The following B3GALT1 variants were observed in gnomAD, a reference collection of about 807,000 sequenced individuals.
B3GALT1 encodes the protein UDP-Gal:betaGlcNAc beta 1,3-galactosyltransferase, polypeptide 1.
Under a neutral mutation model 23.2 loss-of-function variants are expected in B3GALT1, and 10 were observed. That is an observed-to-expected ratio of 0.43 (90% CI 0.27 to 0.73). B3GALT1 has a LOEUF of 0.73. B3GALT1 is among the 30% of genes least tolerant of loss of function. The pLI is 0.21. For synonymous variants in B3GALT1, 156 were observed against 141.5 expected (o/e 1.10, Z -0.73); for missense variants, 299 against 405.4 (o/e 0.74, Z 2.25).
intron 1 of B3GALT1, among the ~76,000 whole-genome samples, chr2:167,445,292 G>A (rs1698962244): frequency 6.6e-6 from 1 of 152,210 alleles, no homozygotes; most frequent in Non-Finnish European, 1.5e-5. Context: ...CACCTACGTG[G>A]TCAATTTTGG....
chr2:167,508,417 C>T (rs1460566024), intron 2 of B3GALT1, among the ~76,000 whole-genome samples: 2 of 151,770 alleles, frequency 1.3e-5, no homozygotes, highest in African/African-American at 4.8e-5. Flanking sequence ...CGCCACCACT[C>T]CCGGCTAATT....
At chr2:167,370,754 G>T (rs796898767) in intron 1 of B3GALT1, among the ~76,000 whole-genome samples, 1 of 152,030 alleles carries the variant, frequency 6.6e-6, no homozygotes, top group Admixed American at 6.6e-5. Flanking sequence ...GTGAAATCTC[G>T]TCTCTACTAA....
At chr2:167,430,432 G>A (rs909979121) in intron 1 of B3GALT1, among the ~76,000 whole-genome samples, 6 of 152,132 alleles carry the variant, frequency 3.9e-5, no homozygotes, top group African/African-American at 7.2e-5. Flanking sequence ...AATGACATAC[G>A]TTAATTTTTC....
At chr2:167,405,019 C>T (rs1314610836) in intron 1 of B3GALT1, among the ~76,000 whole-genome samples, 1 of 152,154 alleles carries the variant, frequency 6.6e-6, no homozygotes, top group Non-Finnish European at 1.5e-5. Flanking sequence ...TTTATCCCCA[C>T]CATTACTGCT....
intron 3 of B3GALT1, among the ~76,000 whole-genome samples, chr2:167,798,513 T>C (rs1428601927): frequency 2.6e-5 from 4 of 152,226 alleles, no homozygotes; most frequent in Non-Finnish European, 4.4e-5. Flanking sequence ...GGCTAGCCAG[T>C]TCTCCCTGCA....
intron 3 of B3GALT1, among the ~76,000 whole-genome samples, chr2:167,735,472 C>T (rs1331880279): frequency 6.6e-6 from 1 of 152,184 alleles, no homozygotes; most frequent in Non-Finnish European, 1.5e-5. Flanking sequence ...TCTATTTCTC[C>T]CTGTGCTTTG....
intron 4 of B3GALT1, among the ~76,000 whole-genome samples, chr2:167,841,039 G>A (rs984269611): frequency 1.9e-5 from 2 of 103,640 alleles, no homozygotes; most frequent in East Asian, 3.6e-4. Context: ...GTGGGGGGAG[G>A]GGGGAGGGAT....
chr2:167,369,925 A>T (rs1384087294), intron 1 of B3GALT1, among the ~76,000 whole-genome samples: 1 of 151,238 alleles, frequency 6.6e-6, no homozygotes, highest in Non-Finnish European at 1.5e-5. Flanking sequence ...GGTGCTATTT[A>T]AAAAAAAATG....
chr2:167,359,813 A>G (rs1321616947), intron 1 of B3GALT1, among the ~76,000 whole-genome samples: 1 of 151,984 alleles, frequency 6.6e-6, no homozygotes, highest in Non-Finnish European at 1.5e-5. Context: ...CAAGAAAACT[A>G]ATTTCCAGTG....
chr2:167,671,850 G>A (rs543248755), intron 3 of B3GALT1, among the ~76,000 whole-genome samples: 6 of 151,980 alleles, frequency 3.9e-5, no homozygotes, highest in Non-Finnish European at 7.4e-5. Context: ...CTAAAAGTTG[G>A]TTTTTTGAAA....
intron 1 of B3GALT1, among the ~76,000 whole-genome samples, chr2:167,338,160 A>G (rs1360037929): frequency 2.0e-5 from 3 of 152,314 alleles, no homozygotes; most frequent in South Asian, 2.1e-4. Context: ...GTCACACACA[A>G]CAGCCAATAT....
chr2:167,360,887 A>G (rs1358188580), intron 1 of B3GALT1, among the ~76,000 whole-genome samples: 2 of 152,110 alleles, frequency 1.3e-5, no homozygotes, highest in Non-Finnish European at 2.9e-5. Flanking sequence ...GCCTCTGGTA[A>G]CCATCATTCT....
chr2:167,343,717 A>G (rs1559070649), intron 1 of B3GALT1, among the ~76,000 whole-genome samples: 1 of 152,138 alleles, frequency 6.6e-6, no homozygotes, highest in Non-Finnish European at 1.5e-5. Context: ...TAGTAAATAT[A>G]GGAGGAAGAA....
At chr2:167,660,409 A>C (rs1686035878) in intron 3 of B3GALT1, among the ~76,000 whole-genome samples, 1 of 152,072 alleles carries the variant, frequency 6.6e-6, no homozygotes, top group Admixed American at 6.6e-5. Context: ...AGTTAAGATA[A>C]GTTCAAAGAT....
intron 2 of B3GALT1, among the ~76,000 whole-genome samples, chr2:167,562,266 C>T (rs1002809002): frequency 6.6e-6 from 1 of 151,876 alleles, no homozygotes; most frequent in African/African-American, 2.4e-5. Context: ...ACCCTTCATG[C>T]TAAAAACTCT....
intron 2 of B3GALT1, among the ~76,000 whole-genome samples, chr2:167,516,481 G>C (rs1007590610): frequency 2.6e-5 from 4 of 151,976 alleles, no homozygotes; most frequent in Non-Finnish European, 2.9e-5. Flanking sequence ...CCTCAACTCT[G>C]ACCAAAGTGT....
At chr2:167,434,437 C>T (rs552892359) in intron 1 of B3GALT1, among the ~76,000 whole-genome samples, 1 of 150,798 alleles carries the variant, frequency 6.6e-6, no homozygotes, top group Admixed American at 6.6e-5. Flanking sequence ...CACTCTCCCA[C>T]CCCCCAATCT....
At chr2:167,626,212 G>A (rs1685342537) in intron 2 of B3GALT1, among the ~76,000 whole-genome samples, 1 of 151,198 alleles carries the variant, frequency 6.6e-6, no homozygotes, top group South Asian at 2.1e-4. Context: ...GCCATATCAA[G>A]ATTTTTTAAA....
chr2:167,837,942 A>G (rs1689523547), intron 4 of B3GALT1, among the ~76,000 whole-genome samples: 1 of 152,096 alleles, frequency 6.6e-6, no homozygotes, highest in Non-Finnish European at 1.5e-5. Flanking sequence ...GTACATAACA[A>G]ATGAAGGCAG....
Sources: allele counts gnomAD v4.1 joint callset (sites outside exome capture counted in the v4.1 genomes callset), GRCh38; gene constraint gnomAD v4.1.1; transcripts MANE v1.5; gene names NCBI Gene and HGNC (gene_info 2026-07-23, HGNC 2026-07-21).